ADAM22: variants seen among roughly 807,000 people sequenced by gnomAD.
ADAM22 encodes ADAM metallopeptidase domain 22.
ADAM22 carries 65 observed loss-of-function variants against 144.6 expected under a neutral mutation model. The ratio of observed to expected loss-of-function variants is 0.45; its 90% CI spans 0.37 to 0.55. ADAM22 has a LOEUF of 0.55. Among genes scored for constraint, ADAM22 ranks in the 20% least tolerant of loss-of-function variants. The pLI is 0.00. For synonymous variants in ADAM22, 391 were observed against 412.6 expected (o/e 0.95, Z 0.63); for missense variants, 974 against 1,184.9 (o/e 0.82, Z 2.61).
chr7:88,183,565 T>C (rs1847611051), intron 29 of ADAM22, among the ~76,000 whole-genome samples: 1 of 152,096 alleles, frequency 6.6e-6, no homozygotes, highest in East Asian at 1.9e-4. Context: ...TCCACTCACA[T>C]TGTATGATTA....
intron 30 of ADAM22, among the ~76,000 whole-genome samples, chr7:88,187,753 G>A (rs768522002): frequency 5.3e-5 from 8 of 152,110 alleles, no homozygotes; most frequent in Non-Finnish European, 1.2e-4. Context: ...CTCAGCACCC[G>A]TATAAGGTGG....
At chr7:88,128,327 A>G (rs187141915) in intron 8 of ADAM22, among the ~76,000 whole-genome samples, 1 of 152,150 alleles carries the variant, frequency 6.6e-6, no homozygotes, top group East Asian at 1.9e-4. Flanking sequence ...GTAACTTGCT[A>G]TATCCATTGT....
chr7:87,999,865 A>G (rs1296734527), intron 3 of ADAM22, among the ~76,000 whole-genome samples: 3 of 152,098 alleles, frequency 2.0e-5, no homozygotes, highest in African/African-American at 4.8e-5. Context: ...AGTTCCAGCT[A>G]TTTGAGAGGC....
At chr7:87,975,224 C>T (rs541222208) in intron 2 of ADAM22, among the ~76,000 whole-genome samples, 67 of 152,238 alleles carry the variant, frequency 4.4e-4, no homozygotes, top group Admixed American at 2.7e-3. Context: ...TGGTCATTCT[C>T]GACAGCATTT....
At chr7:88,119,852 T>G (rs1366665919) in intron 7 of ADAM22, among the ~76,000 whole-genome samples, 3 of 152,202 alleles carry the variant, frequency 2.0e-5, no homozygotes, top group African/African-American at 7.2e-5. Flanking sequence ...TTTTGACTAT[T>G]ATGAGAAAAG....
Position 88,114,460 on chromosome 7 carries a change from G to A in ADAM22, c.474-124G>A, listed in dbSNP as rs1827232095. On this transcript the variant is annotated intron_variant, in intron 5 of 31. Coordinates refer to ENST00000413139, the MANE Select transcript of ADAM22 (RefSeq NM_001324418.2). The stretch of plus-strand genomic sequence containing the variant: ...TGTGTGTGGTGTGTCTGGAGGTGAT[G>A]GATGGGACTGGGAAATGGGCATTGA... The A allele has an allele frequency of 1.2e-5, 9 of 781,886 alleles. No homozygotes were observed. In the South Asian group the frequency reaches 1.4e-4, roughly 12 times the overall value. The allele number at this position is 781,886 out of a possible 1,614,324, so 48.4% of individuals were successfully genotyped here.
chr7:88,145,111 G>T lies in ADAM22; in HGVS notation c.1321-14G>T. 6.2e-7 allele frequency: 1 copy of T among 1,609,212 alleles called. No individual in the cohort carries two copies. Among genetic ancestry groups the T allele is most frequent in the Non-Finnish European group, 8.5e-7 (1 of 1,178,594 alleles). On this transcript the variant is annotated splice_polypyrimidine_tract_variant and intron_variant, in intron 15 of 31. Transcript: ENST00000413139. ...TTTTCTATATTTTAGTTCACTTTTT[G>T]GTTTTCCTCACAGCTTCTTGATCCT...
intron 3 of ADAM22, among the ~76,000 whole-genome samples, chr7:87,996,321 A>G (rs531292703): frequency 1.9e-4 from 29 of 152,324 alleles, no homozygotes; most frequent in African/African-American, 6.7e-4. Context: ...TTCCTTACAG[A>G]TCCAAAGGCT....
intron 3 of ADAM22, among the ~76,000 whole-genome samples, chr7:88,032,705 A>C (rs1439251769): frequency 6.6e-6 from 1 of 152,094 alleles, no homozygotes; most frequent in Non-Finnish European, 1.5e-5. Context: ...TCTTATGTTG[A>C]ATTATAATTC....
At chr7:87,963,434 A>T (rs946777303) in intron 2 of ADAM22, among the ~76,000 whole-genome samples, 10 of 152,212 alleles carry the variant, frequency 6.6e-5, no homozygotes, top group African/African-American at 2.4e-4. Context: ...TCAGAGCAAC[A>T]AGAAGTTTAA....
At chr7:87,946,325 A>G (rs1354407179) in intron 2 of ADAM22, among the ~76,000 whole-genome samples, 2 of 152,222 alleles carry the variant, frequency 1.3e-5, no homozygotes, top group East Asian at 3.9e-4. Flanking sequence ...TCTGTAAGTT[A>G]TCTGTTTACT....
At chr7:88,159,942 T>C (rs1417109341) in intron 22 of ADAM22, among the ~76,000 whole-genome samples, 1 of 152,068 alleles carries the variant, frequency 6.6e-6, no homozygotes, top group Non-Finnish European at 1.5e-5. Flanking sequence ...GAAATCCAAA[T>C]AAGAAGAGAG....
chr7:88,143,170 T>C, intron 15 of ADAM22, 45 bp downstream of exon 15: 2 of 1,303,394 alleles, frequency 1.5e-6, no homozygotes, highest in Non-Finnish European at 2.2e-6. Context: ...ATTATCAACC[T>C]TTCTAAAATA....
rs1837372446 is a variant in ADAM22, at chr7:88,148,803, C to A, written c.1486-174C>A. 2.0e-5 allele frequency among the ~76,000 whole-genome samples: 3 copies of A among 152,124 alleles called. No individual in the cohort carries two copies. In the South Asian group the frequency reaches 6.2e-4, roughly 31 times the overall value. ...TTACATCATACACAAGAAACTGTTTCTTAAAACTATTAAAATAAAATTTTT... is the reference window on the plus strand; with the variant it reads ...TTACATCATACACAAGAAACTGTTTATTAAAACTATTAAAATAAAATTTTT... On this transcript the variant is annotated intron_variant, in intron 17 of 31. Coordinates refer to ENST00000413139, the MANE Select transcript of ADAM22 (RefSeq NM_001324418.2).
chr7:88,110,965 A>T (rs1439678467), intron 5 of ADAM22, among the ~76,000 whole-genome samples: 1 of 145,392 alleles, frequency 6.9e-6, no homozygotes. Flanking sequence ...TTGGTCTCGA[A>T]CTCCTGACCT....
intron 3 of ADAM22, among the ~76,000 whole-genome samples, chr7:87,999,455 A>C (rs533133525): frequency 1.5e-4 from 23 of 152,334 alleles, no homozygotes; most frequent in Admixed American, 3.3e-4. Flanking sequence ...GCTAGTTAGC[A>C]TGTGGAACTG....
intron 2 of ADAM22, among the ~76,000 whole-genome samples, chr7:87,964,093 C>A (rs1263692828): frequency 6.6e-6 from 1 of 152,222 alleles, no homozygotes; most frequent in Non-Finnish European, 1.5e-5. Flanking sequence ...CTGTAAGACC[C>A]TTCAGTGGTG....
At chr7:88,157,897 T>C (rs1840424281) in intron 22 of ADAM22, among the ~76,000 whole-genome samples, 1 of 150,868 alleles carries the variant, frequency 6.6e-6, no homozygotes, top group African/African-American at 2.5e-5. Context: ...TAAAAATAAA[T>C]GAAGTGAATG....
At position 88,114,439 on chromosome 7, in the gene ADAM22, T is replaced by A. The variant is rs184904588; in HGVS notation, c.474-145T>A. The A allele has an allele frequency of 1.5e-5, 10 of 661,338 alleles. No homozygotes were observed. In the Admixed American group the frequency reaches 2.0e-4, roughly 13 times the overall value. The allele number at this position is 661,338 out of a possible 1,614,324, so 41.0% of individuals were successfully genotyped here. The stretch of plus-strand genomic sequence containing the variant: ...AGGGGCCTTCCCTCTCAGTGGTGTG[T>A]GTGGTGTGTCTGGAGGTGATGGATG... On this transcript the variant is annotated intron_variant, in intron 5 of 31. Transcript: ENST00000413139.
Sources: gnomAD v4.1 joint callset for allele counts (sites outside exome capture counted in the v4.1 genomes callset) on GRCh38, gnomAD v4.1.1 for gene constraint, MANE v1.5 for transcripts, NCBI Gene and HGNC (gene_info 2026-07-23, HGNC 2026-07-21) for gene names.